The following AIDA variants were observed in gnomAD, a reference collection of about 807,000 sequenced individuals.
The protein encoded by AIDA is axin interactor, dorsalization associated.
In AIDA, 18 loss-of-function variants were observed where a neutral mutation model predicts 42.7. The observed-to-expected ratio is 0.42, with a 90% CI of 0.29 to 0.63. The LOEUF is 0.63. Among genes scored for constraint, AIDA ranks in the 20% least tolerant of loss-of-function variants. The pLI is 0.19. For missense variants in AIDA, 250 were observed against 354.1 expected (o/e 0.71, Z 2.36); for synonymous variants, 104 against 122.9 (o/e 0.85, Z 1.02).
At chr1:222,685,012 G>A (rs1571929585) in intron 6 of AIDA, among the ~76,000 whole-genome samples, 1 of 152,072 alleles carries the variant, frequency 6.6e-6, no homozygotes, top group African/African-American at 2.4e-5. Context: ...CACCATCTTG[G>A]CAACCTTGAA....
chr1:222,685,750 A>G (rs998453818), intron 6 of AIDA, among the ~76,000 whole-genome samples: 3 of 152,224 alleles, frequency 2.0e-5, no homozygotes, highest in Non-Finnish European at 2.9e-5. Context: ...GCTTCCAGAA[A>G]TAAAAAAGTT....
chr1:222,696,959 A>C (rs2124963694), intron 2 of AIDA, among the ~76,000 whole-genome samples: 1 of 151,758 alleles, frequency 6.6e-6, no homozygotes, highest in South Asian at 2.1e-4. Flanking sequence ...GTTTTTTTTT[A>C]ATATACGGAG....
chr1:222,685,886 G>A (rs555841818), intron 6 of AIDA, among the ~76,000 whole-genome samples: 16 of 152,324 alleles, frequency 1.1e-4, no homozygotes, highest in South Asian at 6.2e-4. Flanking sequence ...ATGGCCGGGC[G>A]CAATGGCTCA....
chr1:222,678,690 G>GGTTC (rs757614355), intron 6 of AIDA, among the ~76,000 whole-genome samples: 1 of 152,080 alleles, frequency 6.6e-6, no homozygotes, highest in Non-Finnish European at 1.5e-5. Context: ...CCACCATGAA[G>GGTTC]GTTCAGTAGT....
At chr1:222,674,985 T>C (rs919341976) in intron 7 of AIDA, among the ~76,000 whole-genome samples, 2 of 152,218 alleles carry the variant, frequency 1.3e-5, no homozygotes, top group Non-Finnish European at 2.9e-5. Context: ...AACTATAATG[T>C]AGAGTATATA....
intron 1 of AIDA, among the ~76,000 whole-genome samples, chr1:222,704,120 T>C (rs1468712625): frequency 1.3e-5 from 2 of 152,070 alleles, no homozygotes; most frequent in Non-Finnish European, 2.9e-5. Flanking sequence ...CTAGAATGAG[T>C]ACAATTTTTT....
chr1:222,712,162 G>A (rs1571949391), intron 1 of AIDA, 46 bp downstream of exon 1: 2 of 1,555,000 alleles, frequency 1.3e-6, no homozygotes, highest in Middle Eastern at 1.7e-4. Flanking sequence ...AGGGAGAGGC[G>A]CACGACTGGA....
intron 2 of AIDA, among the ~76,000 whole-genome samples, chr1:222,699,243 A>G (rs1037289253): frequency 6.6e-6 from 1 of 152,262 alleles, no homozygotes; most frequent in African/African-American, 2.4e-5. Context: ...TAAAAGCATA[A>G]AAATTCCAAT....
At chr1:222,709,873 A>T (rs1655946696) in intron 1 of AIDA, among the ~76,000 whole-genome samples, 1 of 152,188 alleles carries the variant, frequency 6.6e-6, no homozygotes, top group African/African-American at 2.4e-5. Context: ...TTAGTTGTTG[A>T]GTCATGAAAT....
chr1:222,678,201 GT>G (rs1311680695), intron 6 of AIDA, among the ~76,000 whole-genome samples: 3,480 of 13,388 alleles, frequency 0.26, 135 homozygotes, highest in African/African-American at 0.43. Flanking sequence ...ATATCTTGGG[GT>G]GTGTGTGTGT....
rs565689555 is a variant in AIDA, at chr1:222,689,839, TCATATCC to T, written c.290-2188_290-2182del. Among the ~76,000 whole-genome samples the T allele has an allele frequency of 1.7e-3, 256 of 152,142 alleles. 1 individual carries two copies. The highest frequency in any genetic ancestry group is 5.8e-3 in the African/African-American group (240 of 41,498). On this transcript the variant is annotated intron_variant, in intron 4 of 9. Transcript: ENST00000340020. The stretch of plus-strand genomic sequence containing the variant: ...TAGTGTACAATAATGTCCTAGGCCT[TCATATCC>T]ACTTATCACTCACTCACTGACTCAC...
At chr1:222,673,953 G>T (rs1664498474) in intron 7 of AIDA, among the ~76,000 whole-genome samples, 1 of 152,016 alleles carries the variant, frequency 6.6e-6, no homozygotes, top group South Asian at 2.1e-4. Context: ...CAGGCGTGGT[G>T]GTGCACACCT....
Position 222,708,183 on chromosome 1 carries a change from C to T in AIDA, c.110+4025G>A, listed in dbSNP as rs565170631. 3.3e-5 allele frequency among the ~76,000 whole-genome samples: 5 copies of T among 151,686 alleles called. No individual in the cohort carries two copies. In the South Asian group the frequency reaches 6.3e-4, roughly 19 times the overall value. On this transcript the variant is annotated intron_variant, in intron 1 of 9. Transcript: ENST00000340020. ...AAAATTAGCCAGGTGTGGTGGCACG[C>T]GCCTGTAGTCCCAGCTACTCAGGAG...
At chr1:222,710,327 T>C (rs1199019053) in intron 1 of AIDA, among the ~76,000 whole-genome samples, 1 of 152,256 alleles carries the variant, frequency 6.6e-6, no homozygotes, top group Non-Finnish European at 1.5e-5. Context: ...TGAAGTTCAA[T>C]GGTTAGTACT....
At chr1:222,693,492 T>C (rs902737192) in intron 4 of AIDA, among the ~76,000 whole-genome samples, 8 of 152,192 alleles carry the variant, frequency 5.3e-5, no homozygotes, top group African/African-American at 1.9e-4. Flanking sequence ...TATTCTCCAA[T>C]AGATGCTGCT....
chr1:222,673,535 G>C (rs1478119584), intron 7 of AIDA, 100 bp from the exon 8 acceptor site: 1 of 963,594 alleles, frequency 1.0e-6, no homozygotes, highest in Non-Finnish European at 1.4e-6. Flanking sequence ...CTAGCACTTT[G>C]GGAGGCCGAG....
rs982961057 is a variant in AIDA at position 222,691,376 on chromosome 1, A to G, written c.289+2413T>C. 4.6e-5 allele frequency among the ~76,000 whole-genome samples: 7 copies of G among 152,362 alleles called. No homozygotes were observed. In the East Asian group the frequency reaches 9.6e-4, roughly 21 times the overall value. ...GCCCAAGAATTATGCCAAGACTTCA[A>G]CATTCACATAGCCACTCTGAATCTC... On this transcript the variant is annotated intron_variant, in intron 4 of 9. Transcript: ENST00000340020.
intron 1 of AIDA, chr1:222,711,395 T>C (rs1244264633): frequency 2.0e-5 from 3 of 152,184 alleles, no homozygotes; most frequent in Non-Finnish European, 4.4e-5. Flanking sequence ...CCTGCGGCTA[T>C]ACATTATATA....
rs544672109 is a variant in AIDA at position 222,686,944 on chromosome 1, G to T, written c.446C>A (p.Pro149His). The T allele has an allele frequency of 1.2e-6, 2 of 1,613,604 alleles. No individual in the cohort carries two copies. Among genetic ancestry groups the T allele is most frequent in the South Asian group, 1.1e-5 (1 of 91,010 alleles). Residue 149 changes from proline (P) to histidine (H), a missense_variant, in exon 6 of 10, where the codon CCT (proline) becomes CAT (histidine). By Grantham distance (77) the Pro-to-His change is moderately conservative. Transcript: ENST00000340020. Reference sequence around the variant, plus strand: ...GTGATACCTACCGGGAACTCTAGCAGGAAAAGAATCAGGAGACCCTGCTCC... The same window carrying T: ...GTGATACCTACCGGGAACTCTAGCATGAAAAGAATCAGGAGACCCTGCTCC... The part of the protein sequence containing the change: ...GAGAGSPDSF[P>H]ARVPGTLLPR...
Sources: allele counts gnomAD v4.1 joint callset (sites outside exome capture counted in the v4.1 genomes callset), GRCh38; gene constraint gnomAD v4.1.1; transcripts MANE v1.5; gene names NCBI Gene and HGNC (gene_info 2026-07-23, HGNC 2026-07-21).